The following LRP1B variants were observed in gnomAD, a reference collection of about 807,000 sequenced individuals.
The protein encoded by LRP1B is low-density lipoprotein receptor-related protein 1B.
Under a neutral mutation model 556.6 loss-of-function variants are expected in LRP1B, and 217 were observed. That is an observed-to-expected ratio of 0.39 (90% CI 0.35 to 0.44). The LOEUF (loss-of-function observed/expected upper bound fraction) is 0.44. Ranked by LOEUF, LRP1B falls within the 20% of genes least tolerant of loss-of-function variation. The probability of loss-of-function intolerance (pLI) is 1.00; values close to 1 mark genes in which losing one functional copy is unlikely to be tolerated. For synonymous variants in LRP1B, 2,047 were observed against 1,865.8 expected (o/e 1.10, Z -2.50); for missense variants, 5,053 against 5,620.8 (o/e 0.90, Z 3.23).
intron 41 of LRP1B, among the ~76,000 whole-genome samples, chr2:140,625,880 C>T (rs1248901161): frequency 2.0e-5 from 3 of 152,076 alleles, no homozygotes; most frequent in Admixed American, 1.3e-4. Flanking sequence ...CTATTATTAC[C>T]CATAGGAGTT....
chr2:141,610,948 C>T (rs1688087612), intron 2 of LRP1B, among the ~76,000 whole-genome samples: 1 of 152,132 alleles, frequency 6.6e-6, no homozygotes, highest in Admixed American at 6.5e-5. Context: ...CAGTAAGCTG[C>T]AGCATTAGCA....
intron 2 of LRP1B, among the ~76,000 whole-genome samples, chr2:141,667,085 T>C (rs1690470212): frequency 1.3e-5 from 2 of 152,138 alleles, no homozygotes; most frequent in Admixed American, 6.6e-5. Context: ...CTTCTCATTG[T>C]TCTTCATTAT....
intron 11 of LRP1B, among the ~76,000 whole-genome samples, chr2:141,047,590 G>T (rs1269014684): frequency 6.6e-6 from 1 of 151,994 alleles, no homozygotes; most frequent in Non-Finnish European, 1.5e-5. Flanking sequence ...ATATCACTTT[G>T]TTCACATTAT....
chr2:140,764,199 A>T (rs1431736196), intron 35 of LRP1B, among the ~76,000 whole-genome samples: 1 of 152,170 alleles, frequency 6.6e-6, no homozygotes, highest in Non-Finnish European at 1.5e-5. Context: ...TTTGAGTGTC[A>T]CTATCTTCAA....
At chr2:140,824,513 G>A (rs1691438614) in intron 31 of LRP1B, among the ~76,000 whole-genome samples, 1 of 152,110 alleles carries the variant, frequency 6.6e-6, no homozygotes, top group Admixed American at 6.6e-5. Context: ...CACAGGGTTA[G>A]ACAGGATAAG....
At chr2:141,842,144 T>C (rs974238377) in intron 1 of LRP1B, among the ~76,000 whole-genome samples, 1 of 152,164 alleles carries the variant, frequency 6.6e-6, no homozygotes, top group South Asian at 2.1e-4. Context: ...CCAAATGAGA[T>C]CATACTTTCT....
At chr2:140,555,496 T>C (rs2105062337) in intron 43 of LRP1B, among the ~76,000 whole-genome samples, 1 of 152,172 alleles carries the variant, frequency 6.6e-6, no homozygotes, top group South Asian at 2.1e-4. Context: ...TTCTGGAAAA[T>C]GTTAAATAAT....
chr2:141,510,964 T>C (rs983197), intron 2 of LRP1B, among the ~76,000 whole-genome samples: 147,887 of 151,792 alleles, frequency 0.97, 72,151 homozygotes, highest in East Asian at 1. Flanking sequence ...AAATTTAAGA[T>C]AGAGAGTGGA....
Position 140,934,948 on chromosome 2 carries a change from G to A in LRP1B, c.3137-11801C>T, listed in dbSNP as rs534589322. On this transcript the variant is annotated intron_variant, in intron 20 of 90. Coordinates refer to ENST00000389484, the MANE Select transcript of LRP1B (RefSeq NM_018557.3). Reference sequence around the variant, plus strand: ...ATTAGAAAGTTACTGTGTATACCAAGGGAAAGTCACAGGCTAAGAAAGACC... The same window carrying A: ...ATTAGAAAGTTACTGTGTATACCAAAGGAAAGTCACAGGCTAAGAAAGACC... Among the ~76,000 whole-genome samples, 11 of 152,196 alleles carry A rather than the reference G, an allele frequency of 7.2e-5. No individual in the cohort carries two copies. The South Asian group carries it at 2.1e-3, about 29-fold the overall frequency.
intron 1 of LRP1B, among the ~76,000 whole-genome samples, chr2:141,982,793 C>A (rs1211987243): frequency 6.6e-6 from 1 of 152,038 alleles, no homozygotes; most frequent in South Asian, 2.1e-4. Context: ...TATAAGACAG[C>A]GTGACTTCAA....
chr2:141,740,927 T>A (rs1693676272), intron 2 of LRP1B, among the ~76,000 whole-genome samples: 1 of 152,122 alleles, frequency 6.6e-6, no homozygotes, highest in African/African-American at 2.4e-5. Context: ...CACTACTCTC[T>A]CTAGTTTCTG....
At chr2:140,448,072 G>GA (rs35988683) in intron 63 of LRP1B, among the ~76,000 whole-genome samples, 5 of 151,040 alleles carry the variant, frequency 3.3e-5, no homozygotes, top group East Asian at 2.0e-4. Flanking sequence ...TAATAGTAAT[G>GA]AAAAAAAAAT....
chr2:141,661,929 G>C (rs2105397051), intron 2 of LRP1B, among the ~76,000 whole-genome samples: 1 of 152,288 alleles, frequency 6.6e-6, no homozygotes, highest in African/African-American at 2.4e-5. Flanking sequence ...GGCAGCCAGA[G>C]AGAAAGGCCA....
intron 41 of LRP1B, among the ~76,000 whole-genome samples, chr2:140,673,944 CT>C (rs150017745): frequency 0.047 from 6,549 of 140,732 alleles, 236 homozygotes; most frequent in African/African-American, 0.1. Flanking sequence ...TTTCTTTTTT[CT>C]TTTTTTTTTT....
At chr2:140,241,037 G>A (rs1680925817) in intron 87 of LRP1B, among the ~76,000 whole-genome samples, 1 of 150,864 alleles carries the variant, frequency 6.6e-6, no homozygotes, top group South Asian at 2.1e-4. Flanking sequence ...GAAATAACTC[G>A]TGTAAAATAA....
chr2:140,683,561 G>A, intron 41 of LRP1B: 1 of 664,150 alleles, frequency 1.5e-6, no homozygotes, highest in South Asian at 1.4e-5. Context: ...TCAACTCCAA[G>A]TCCCAGTCTT....
chr2:141,090,048 T>G (rs1700138071), intron 7 of LRP1B, among the ~76,000 whole-genome samples: 1 of 152,180 alleles, frequency 6.6e-6, no homozygotes, highest in Non-Finnish European at 1.5e-5. Flanking sequence ...CTCCTCCCCA[T>G]TAGGGTCCTG....
chr2:140,429,329 A>G (rs939176199), intron 66 of LRP1B, among the ~76,000 whole-genome samples: 3 of 152,142 alleles, frequency 2.0e-5, no homozygotes, highest in African/African-American at 7.2e-5. Context: ...TGCCAAACCC[A>G]TATACTCTCC....
At chr2:141,115,761 C>T (rs1394329520) in intron 7 of LRP1B, among the ~76,000 whole-genome samples, 1 of 151,794 alleles carries the variant, frequency 6.6e-6, no homozygotes, top group Non-Finnish European at 1.5e-5. Context: ...GAATTACAGG[C>T]GTGAGCCACC....
Sources: gnomAD v4.1 joint callset for allele counts (sites outside exome capture counted in the v4.1 genomes callset) on GRCh38, gnomAD v4.1.1 for gene constraint, MANE v1.5 for transcripts, NCBI Gene and HGNC (gene_info 2026-07-23, HGNC 2026-07-21) for gene names.